The following ARHGEF11 variants were observed in gnomAD, a reference collection of about 807,000 sequenced individuals.
ARHGEF11 encodes Rho guanine exchange factor (GEF) 11.
Under a neutral mutation model 193.7 loss-of-function variants are expected in ARHGEF11, and 55 were observed. The ratio of observed to expected loss-of-function variants is 0.28; its 90% CI spans 0.23 to 0.36. The LOEUF (loss-of-function observed/expected upper bound fraction) is 0.36, where lower values mean the gene tolerates loss of function less well. ARHGEF11 is among the 10% of genes least tolerant of loss of function. The pLI is 1.00. For missense variants in ARHGEF11, 1,723 were observed against 2,005.6 expected, an observed-to-expected ratio of 0.86 and a Z score of 2.69; for synonymous variants, 693 against 768.0, an observed-to-expected ratio of 0.90 and a Z score of 1.62.
intron 1 of ARHGEF11, among the ~76,000 whole-genome samples, chr1:157,037,465 C>T (rs1672184603): frequency 1.3e-5 from 2 of 152,198 alleles, no homozygotes; most frequent in Admixed American, 6.5e-5. Flanking sequence ...AATCTAATTT[C>T]TCTCTGCTCT....
intron 1 of ARHGEF11, among the ~76,000 whole-genome samples, chr1:157,031,328 G>A (rs964199979): frequency 7.2e-5 from 11 of 152,098 alleles, no homozygotes. Flanking sequence ...TCAAGTTCAG[G>A]ATTAGTAAAA....
intron 18 of ARHGEF11, 100 bp downstream of exon 18, chr1:156,957,692 T>C: frequency 7.6e-7 from 1 of 1,307,772 alleles, no homozygotes; most frequent in South Asian, 1.2e-5. Context: ...TTGTACAACA[T>C]GAGGGACTCC....
chr1:156,995,704 G>GTTTT (rs386368407), intron 1 of ARHGEF11, among the ~76,000 whole-genome samples: 2 of 127,190 alleles, frequency 1.6e-5, no homozygotes, highest in African/African-American at 3.0e-5. Context: ...TGCCCAGCTT[G>GTTTT]TTTTTTTTTT....
rs1656411258 is a variant in ARHGEF11, at chr1:156,939,842, G to A, written c.3802C>T (p.Gln1268Ter). Reference sequence around the variant, plus strand: ...GGTGTCAGGTCGTCCTCGGGCTCCTGGGCAGCCTGAGTTTCCATGGTGTGA... The same window carrying A: ...GGTGTCAGGTCGTCCTCGGGCTCCTAGGCAGCCTGAGTTTCCATGGTGTGA... ...PGHTMETQAAQEPEDDLTPTP... is the reference protein window; with the variant it reads ...PGHTMETQAA The change falls in exon 37 of 41, where the codon CAG (glutamine) becomes TAG (stop). Residue 1268 changes from glutamine (Q) to a stop codon, truncating the protein, a stop_gained. Transcript: ENST00000368194. LOFTEE classifies it high-confidence loss of function. The A allele has an allele frequency of 6.2e-7, 1 of 1,612,422 alleles. No homozygotes were observed. Among genetic ancestry groups the A allele is most frequent in the Non-Finnish European group, 8.5e-7 (1 of 1,179,972 alleles).
At chr1:156,936,340 C>A in intron 40 of ARHGEF11, 1 of 570,934 alleles carries the variant, frequency 1.8e-6, no homozygotes. Flanking sequence ...ATTTAATCAG[C>A]ACGAGTCTTA....
rs184109989 is a variant in ARHGEF11 at position 156,986,554 on chromosome 1, G to C, written c.33-381C>G. 9.3e-3 allele frequency among the ~76,000 whole-genome samples: 1,419 copies of C among 152,210 alleles called. 25 individuals carry two copies. Among genetic ancestry groups the C allele is most frequent in the African/African-American group, 0.033 (1,357 of 41,530 alleles). On this transcript the variant is annotated intron_variant, in intron 1 of 40. Coordinates refer to ENST00000368194, the MANE Select transcript of ARHGEF11 (RefSeq NM_198236.3). The stretch of plus-strand genomic sequence containing the variant: ...GGAGCAGCAGAGAAAATGAATGCAA[G>C]AAAAAGACAGGGAAAAAACAAACAG...
chr1:156,965,568 G>A (rs1038236202), intron 11 of ARHGEF11, among the ~76,000 whole-genome samples: 1 of 152,138 alleles, frequency 6.6e-6, no homozygotes, highest in African/African-American at 2.4e-5. Flanking sequence ...ATACCTGTCC[G>A]ATCCTTTTCC....
chr1:156,981,499 CTG>C lies in ARHGEF11; in HGVS notation c.224-1015_224-1014del, dbSNP rs1253683445. The stretch of plus-strand genomic sequence containing the variant: ...TATGGTTTGTTTGTTTGTTTTGAGA[CTG>C]TGTCTCACTCTGTCACCCAGGCTGG... On this transcript the variant is annotated intron_variant, in intron 3 of 40. Coordinates refer to ENST00000368194, the MANE Select transcript of ARHGEF11 (RefSeq NM_198236.3). Among the ~76,000 whole-genome samples the C allele has an allele frequency of 9.9e-5, 15 of 152,112 alleles. 1 individual carries two copies. The highest frequency in any genetic ancestry group is 3.6e-4 in the African/African-American group (15 of 41,418).
At chr1:157,026,003 G>A (rs895784351) in intron 1 of ARHGEF11, among the ~76,000 whole-genome samples, 1 of 152,192 alleles carries the variant, frequency 6.6e-6, no homozygotes, top group African/African-American at 2.4e-5. Context: ...TCCTTTGCCT[G>A]GTTTATGTCC....
intron 13 of ARHGEF11, among the ~76,000 whole-genome samples, chr1:156,962,901 A>AG (rs1661150864): frequency 6.6e-6 from 1 of 150,930 alleles, no homozygotes; most frequent in Non-Finnish European, 1.5e-5. Flanking sequence ...AAAAAAAAAA[A>AG]AAAAAAACTC....
At chr1:156,992,038 A>G (rs1665811336) in intron 1 of ARHGEF11, among the ~76,000 whole-genome samples, 1 of 152,184 alleles carries the variant, frequency 6.6e-6, no homozygotes, top group African/African-American at 2.4e-5. Context: ...TTTTTTGAAT[A>G]TATCAAACAT....
At chr1:156,999,007 C>T (rs577544984) in intron 1 of ARHGEF11, among the ~76,000 whole-genome samples, 6 of 152,252 alleles carry the variant, frequency 3.9e-5, no homozygotes, top group Non-Finnish European at 7.4e-5. Context: ...GAGAGCAAAG[C>T]CACAGGAAGG....
At chr1:156,983,203 T>G (rs1435211016) in intron 3 of ARHGEF11, among the ~76,000 whole-genome samples, 1 of 151,930 alleles carries the variant, frequency 6.6e-6, no homozygotes, top group Non-Finnish European at 1.5e-5. Flanking sequence ...CCACACCCAC[T>G]GCCTTTCTTT....
Position 157,044,489 on chromosome 1 carries a change from C to G in ARHGEF11, c.-159G>C. 1.5e-6 allele frequency: 1 copy of G among 670,220 alleles called. No homozygotes were observed. Among genetic ancestry groups the G allele is most frequent in the East Asian group, 2.5e-5 (1 of 39,520 alleles). 41.5% of individuals were successfully genotyped at this position (670,220 alleles called of 1,614,324 possible). On this transcript the variant is annotated 5_prime_UTR_variant, in exon 1 of 41. Coordinates refer to ENST00000368194, the MANE Select transcript of ARHGEF11 (RefSeq NM_198236.3). ...TCTCAGGACCCTGGTAACTGATGCT[C>G]CACTCTACTTCTACCAGTGAACATG... is the stretch of plus-strand genomic sequence containing the variant.
intron 33 of ARHGEF11, 102 bp downstream of exon 33, chr1:156,942,588 G>T (rs1024225279): frequency 1.9e-6 from 2 of 1,057,122 alleles, no homozygotes; most frequent in African/African-American, 1.6e-5. Context: ...TCCAGGGACT[G>T]CTTTGGGGCC....
intron 7 of ARHGEF11, among the ~76,000 whole-genome samples, chr1:156,973,733 G>C (rs1662856298): frequency 6.6e-6 from 1 of 152,014 alleles, no homozygotes; most frequent in Admixed American, 6.6e-5. Context: ...CACAAACTTG[G>C]AGCCATCTTT....
In ARHGEF11 at chr1:157,044,193, T is replaced by C. The variant is rs557567883; in HGVS notation, c.32+106A>G. On this transcript the variant is annotated intron_variant, in intron 1 of 40. Transcript: ENST00000368194. Reference sequence around the variant, plus strand: ...AATGCTCCTAGCCCACCAATTCCCATAGCCCACCCAGACCCCTATTTTCAA... The same window carrying C: ...AATGCTCCTAGCCCACCAATTCCCACAGCCCACCCAGACCCCTATTTTCAA... 3.1e-4 allele frequency: 327 copies of C among 1,070,270 alleles called. 5 individuals carry two copies. In the South Asian group the frequency reaches 3.8e-3, roughly 13 times the overall value. 66.3% of individuals were successfully genotyped at this position (1,070,270 alleles called of 1,614,324 possible).
At chr1:156,978,973 T>C (rs2102398376) in intron 5 of ARHGEF11, among the ~76,000 whole-genome samples, 1 of 152,312 alleles carries the variant, frequency 6.6e-6, no homozygotes, top group South Asian at 2.1e-4. Context: ...ATGGTCTAAA[T>C]AGGTGTGGCA....
At position 156,955,782 on chromosome 1, in the gene ARHGEF11, T is replaced by A. The variant is rs1659859945; in HGVS notation, c.1689A>T (p.Lys563Asn). The A allele has an allele frequency of 6.2e-7, 1 of 1,613,984 alleles. No individual in the cohort carries two copies. The highest frequency in any genetic ancestry group is 1.3e-5 in the African/African-American group (1 of 74,936). Residue 563 changes from lysine to asparagine, a missense_variant, in exon 20 of 41, where the codon AAA becomes AAT. Lys to Asn is a moderately conservative substitution (Grantham distance 94). This residue lies in a region of ARHGEF11 where 491 missense variants were observed against 654.5 expected (regional missense o/e 0.75). Transcript: ENST00000368194. ...PKTKKSSNSK[K>N]EKDALEDKKR... ...TCTTGTCCTCCAAGGCATCCTTTTC[T>A]TTCTTGGAATTGCTGCTCTGCTGAG...
Sources: allele counts gnomAD v4.1 joint callset (sites outside exome capture counted in the v4.1 genomes callset), GRCh38; gene constraint gnomAD v4.1.1; regional missense constraint gnomAD v4.1.1; transcripts MANE v1.5; gene names NCBI Gene and HGNC (gene_info 2026-07-23, HGNC 2026-07-21).